The following PLD2 variants were observed in gnomAD, a reference collection of about 807,000 sequenced individuals.
PLD2 encodes the protein choline phosphatase 2.
A neutral mutation model predicts 119.8 loss-of-function variants in PLD2; 101 were observed. That is an observed-to-expected ratio of 0.84 (90% CI 0.72 to 0.99). The LOEUF (loss-of-function observed/expected upper bound fraction) is 0.99, where lower values mean the gene tolerates loss of function less well. Among genes scored for constraint, PLD2 ranks in the 50% least tolerant of loss-of-function variants. The pLI is 0.00. For synonymous variants in PLD2, 494 were observed against 482.8 expected, an observed-to-expected ratio of 1.02 and a Z score of -0.30; for missense variants, 1,164 against 1,226.8, an observed-to-expected ratio of 0.95 and a Z score of 0.76.
rs115426183 is a variant in PLD2, at chr17:4,816,632, C to G, written c.1468C>G (p.Arg490Gly). ...ESAASQPPTP[R>G]PDSPATPDLS... ...GTTCCCCCTACAGCCTCCCACCCCG[C>G]GCCCAGACTCACCAGCCACCCCAGA... The change falls in exon 15 of 25, where the codon CGC becomes GGC. Residue 490 changes from arginine to glycine, a missense_variant. Transcript: ENST00000263088. 5.1e-5 allele frequency: 82 copies of G among 1,613,910 alleles called. No individual in the cohort carries two copies. In the South Asian group the frequency reaches 8.3e-4, roughly 16 times the overall value.
intron 10 of PLD2, among the ~76,000 whole-genome samples, chr17:4,812,022 C>T (rs533504439): frequency 8.6e-5 from 13 of 151,020 alleles, no homozygotes; most frequent in South Asian, 8.4e-4. Flanking sequence ...AAAAATTAGA[C>T]GGGTGTGGTC....
At chr17:4,818,406 G>A (rs2150678459) in intron 19 of PLD2, 21 bp downstream of exon 19, 2 of 1,612,868 alleles carry the variant, frequency 1.2e-6, no homozygotes, top group Non-Finnish European at 1.7e-6. Flanking sequence ...CTGTCAGGAA[G>A]GTGGGGACTG....
chr17:4,809,217 T>C lies in PLD2; in HGVS notation c.489+12T>C. On this transcript the variant is annotated intron_variant, in intron 5 of 24. Transcript: ENST00000263088. The stretch of plus-strand genomic sequence containing the variant: ...CAGCCAGCAAACAGGTGGGACCAGA[T>C]GCCAGGTCCTCCGGGAAGGCATTGG... 6.2e-7 allele frequency: 1 copy of C among 1,612,782 alleles called. No homozygotes were observed. The highest frequency in any genetic ancestry group is 2.2e-5 in the East Asian group (1 of 44,876).
In PLD2 at chr17:4,822,747, G is replaced by C; in HGVS notation, c.2685G>C (p.Glu895Asp). The C allele has an allele frequency of 1.2e-6, 2 of 1,613,954 alleles. No homozygotes were observed. The highest frequency in any genetic ancestry group is 1.7e-6 in the Non-Finnish European group (2 of 1,179,808). Residue 895 changes from glutamate (E) to aspartate (D), a missense_variant, in exon 25 of 25, where the codon GAG (glutamate) becomes GAC (aspartate). By Grantham distance (45) the Glu-to-Asp change is conservative. Coordinates refer to ENST00000263088, the MANE Select transcript of PLD2 (RefSeq NM_002663.5). ...ATVSPPLARS[E>D]LTQVQGHLVH... ...TCAGTCCCCCCTTGGCTCGGTCTGA[G>C]CTCACCCAGGTCCAGGGCCACCTGG...
rs368220284 is a variant in PLD2, at chr17:4,818,557, C to G, written c.2073C>G (p.Ile691Met). The change falls in exon 20 of 25, where the codon ATC becomes ATG. Residue 691 changes from isoleucine to methionine, a missense_variant. By Grantham distance (10) the Ile-to-Met change is conservative. Coordinates refer to ENST00000263088, the MANE Select transcript of PLD2 (RefSeq NM_002663.5). ...TACTCCCTGGCTTCGAGGGTGACAT[C>G]TCCACGGGCGGTGGCAACTCCATCC... Reference protein sequence around the residue: ...LPLLPGFEGDISTGGGNSIQA... With the variant: ...LPLLPGFEGDMSTGGGNSIQA... 69 of 1,614,022 alleles carry G rather than the reference C, an allele frequency of 4.3e-5. 1 individual carries two copies. The South Asian group carries it at 6.4e-4, about 15-fold the overall frequency.
intron 24 of PLD2, 106 bp from the exon 25 acceptor site, chr17:4,822,534 G>C: frequency 1.5e-6 from 1 of 687,284 alleles, no homozygotes; most frequent in South Asian, 1.9e-5. Flanking sequence ...CAGGGTCAAC[G>C]GGGGGTATGG....
Position 4,808,424 on chromosome 17 carries a change from C to T in PLD2, c.383+8C>T, listed in dbSNP as rs370419064. ...TCTGCTCCCTCTGGCTCGGTGAGGG[C>T]GACCGGACTGCTTCCTGTAGAGGGC... On this transcript the variant is annotated splice_region_variant and intron_variant, in intron 4 of 24. Transcript: ENST00000263088. The surrounding 1 kb of genome is among the most constrained non-coding windows in gnomAD (Gnocchi z 4.1). 120 of 1,612,300 alleles carry T rather than the reference C, an allele frequency of 7.4e-5. 1 individual carries two copies. The South Asian group carries it at 8.1e-4, about 11-fold the overall frequency.
In PLD2 at chr17:4,822,725, G is replaced by A; in HGVS notation, c.2663G>A (p.Ser888Asn). 1 of 1,614,090 alleles carries A rather than the reference G, an allele frequency of 6.2e-7. No individual in the cohort carries two copies. Among genetic ancestry groups the A allele is most frequent in the South Asian group, 1.1e-5 (1 of 91,082 alleles). Residue 888 changes from serine (S) to asparagine (N), a missense_variant, in exon 25 of 25, where the codon AGT becomes AAT. Transcript: ENST00000263088. ...GCCGTGGAGCCCTTGGCCACGGTCA[G>A]TCCCCCCTTGGCTCGGTCTGAGCTC... The part of the protein sequence containing the change: ...YVAVEPLATV[S>N]PPLARSELTQ...
rs1906800955 is a variant in PLD2, at chr17:4,814,730, C to G, written c.1173+19C>G. ...GAAGGCGGTGAGGAGAGTGGTCAGG[C>G]CGCAGGGGGAGGGGGTTGCCTGTGG... On this transcript the variant is annotated intron_variant, in intron 12 of 24. Coordinates refer to ENST00000263088, the MANE Select transcript of PLD2 (RefSeq NM_002663.5). The G allele has an allele frequency of 6.2e-7, 1 of 1,610,614 alleles. No individual in the cohort carries two copies. Among genetic ancestry groups the G allele is most frequent in the Non-Finnish European group, 8.5e-7 (1 of 1,177,166 alleles).
chr17:4,821,695 A>G (rs985614280), intron 23 of PLD2, 98 bp from the exon 24 acceptor site: 1 of 815,066 alleles, frequency 1.2e-6, no homozygotes, highest in African/African-American at 1.7e-5. Flanking sequence ...GCACCCAGCC[A>G]ATTTTGAATT....
chr17:4,816,543 GCTC>G, intron 14 of PLD2, 74 bp from the exon 15 acceptor site: 2 of 1,434,438 alleles, frequency 1.4e-6, no homozygotes, highest in South Asian at 2.3e-5. Context: ...CTCTTTCAGT[GCTC>G]CTCTCTTTGG....
At chr17:4,821,201 C>A (rs201507230) in intron 23 of PLD2, among the ~76,000 whole-genome samples, 2 of 147,306 alleles carry the variant, frequency 1.4e-5, no homozygotes, top group South Asian at 2.1e-4. Context: ...CGTGCCCGGC[C>A]AAAAAAAAAA....
chr17:4,807,799 C>A lies in PLD2; in HGVS notation c.27C>A (p.Phe9Leu), dbSNP rs1906022609. The change falls in exon 2 of 25, where the codon TTC becomes TTA. Residue 9 changes from phenylalanine (F) to leucine (L), a missense_variant. Phe to Leu is a conservative substitution (Grantham distance 22). Transcript: ENST00000263088. This position sits in a 1 kb window ranked among gnomAD's most constrained non-coding sequence, Gnocchi z 5.4. ...TGACGGCGACCCCTGAGAGCCTCTT[C>A]CCCACTGGGGACGAACTGGACTCCA... is the stretch of plus-strand genomic sequence containing the variant. MTATPESL[F>L]PTGDELDSSQ... The A allele has an allele frequency of 6.2e-7, 1 of 1,610,632 alleles. No individual in the cohort carries two copies. Among genetic ancestry groups the A allele is most frequent in the African/African-American group, 1.3e-5 (1 of 74,834 alleles).
chr17:4,809,558 G>T lies in PLD2; in HGVS notation c.614+7G>T. On this transcript the variant is annotated splice_region_variant and intron_variant, in intron 7 of 24. Coordinates refer to ENST00000263088, the MANE Select transcript of PLD2 (RefSeq NM_002663.5). ...ACTTGGGCCGCAAAGGACTGTGAGT[G>T]TCTGGCCCCCTTCACCCAGGCATCC... 1 of 1,605,830 alleles carries T rather than the reference G, an allele frequency of 6.2e-7. No homozygotes were observed. Among genetic ancestry groups the T allele is most frequent in the Non-Finnish European group, 8.5e-7 (1 of 1,174,150 alleles).
chr17:4,817,394 G>A (rs1907096912), intron 17 of PLD2, 135 bp downstream of exon 17: 1 of 706,038 alleles, frequency 1.4e-6, no homozygotes, highest in East Asian at 2.6e-5. Context: ...CAGGCACGGT[G>A]GCTCACGCCT....
intron 24 of PLD2, 144 bp from the exon 25 acceptor site, chr17:4,822,496 A>G: frequency 1.7e-6 from 1 of 597,822 alleles, no homozygotes; most frequent in Non-Finnish European, 2.9e-6. Context: ...CCGTCTCAAA[A>G]AAAAAAAGAG....
chr17:4,817,241 G>A lies in PLD2; in HGVS notation c.1797G>A (p.Gly599=), dbSNP rs751651579. Reference sequence around the variant, plus strand: ...AGCTCCCCTTCACACTTCCAGGAGGGCAGTGCACCACCGTACAGGTGAGGC... The same window carrying A: ...AGCTCCCCTTCACACTTCCAGGAGGACAGTGCACCACCGTACAGGTGAGGC... ...ANQLPFTLPG[G]QCTTVQVLRS... The change falls in exon 17 of 25, where the codon GGG becomes GGA. Residue 599 remains glycine (G), a synonymous_variant. Transcript: ENST00000263088. The A allele has an allele frequency of 1.5e-5, 24 of 1,612,064 alleles. No individual in the cohort carries two copies. The highest frequency in any genetic ancestry group is 4.4e-5 in the South Asian group (4 of 91,050).
intron 24 of PLD2, 72 bp downstream of exon 24, chr17:4,821,979 G>T (rs963131116): frequency 7.5e-6 from 7 of 932,636 alleles, no homozygotes; most frequent in Non-Finnish European, 1.2e-5. Context: ...GGGTAGGATG[G>T]AGAGAAGCGC....
chr17:4,820,101 C>T (rs1009947824), intron 23 of PLD2, among the ~76,000 whole-genome samples: 8 of 151,448 alleles, frequency 5.3e-5, no homozygotes, highest in Admixed American at 1.3e-4. Flanking sequence ...TGCGCCACCA[C>T]GCCCAGCTAA....
Sources: gnomAD v4.1 joint callset for allele counts (sites outside exome capture counted in the v4.1 genomes callset) on GRCh38, gnomAD v4.1.1 for gene constraint, Gnocchi (gnomAD v3.1) non-coding constraint, MANE v1.5 for transcripts, NCBI Gene and HGNC (gene_info 2026-07-23, HGNC 2026-07-21) for gene names.